The following CEBPZ variants were observed in gnomAD, a reference collection of about 807,000 sequenced individuals.
The protein encoded by CEBPZ is CCAAT enhancer binding protein zeta, also known as CCAAT/enhancer-binding protein zeta.
Under a neutral mutation model 104.5 loss-of-function variants are expected in CEBPZ, and 78 were observed. That is an observed-to-expected ratio of 0.75 (90% CI 0.62 to 0.90). The LOEUF (loss-of-function observed/expected upper bound fraction) is 0.90, where lower values mean the gene tolerates loss of function less well. CEBPZ is among the 40% of genes least tolerant of loss of function. The pLI, the probability that CEBPZ is intolerant of heterozygous loss-of-function variation, is 0.00. For missense variants in CEBPZ, 1,439 were observed against 1,233.5 expected (o/e 1.17, Z -2.50); for synonymous variants, 470 against 427.0 (o/e 1.10, Z -1.24).
In CEBPZ at chr2:37,202,922, G is replaced by A. The variant is rs746674018; in HGVS notation, c.2943+28C>T. Reference sequence around the variant, plus strand: ...AACTAAAAATAATGTAGAATAGCTAGCTTGTTAAAACAGTACATTAGCCTT... The same window carrying A: ...AACTAAAAATAATGTAGAATAGCTAACTTGTTAAAACAGTACATTAGCCTT... On this transcript the variant is annotated intron_variant, in intron 14 of 15. Transcript: ENST00000234170. 5.0e-6 allele frequency: 8 copies of A among 1,592,718 alleles called. No homozygotes were observed. The East Asian group carries it at 1.6e-4, about 31-fold the overall frequency.
Position 37,214,029 on chromosome 2 carries a change from C to T in CEBPZ, c.2448-68G>A, listed in dbSNP as rs368769775. On this transcript the variant is annotated intron_variant, in intron 9 of 15. Coordinates refer to ENST00000234170, the MANE Select transcript of CEBPZ (RefSeq NM_005760.3). The stretch of plus-strand genomic sequence containing the variant: ...CTAATCTTACTATATATCATCAAAG[C>T]ACCTATGACCAGTGGCAAACCACAA... 2.3e-5 allele frequency: 18 copies of T among 785,708 alleles called. No individual in the cohort carries two copies. In the African/African-American group the frequency reaches 3.3e-4, roughly 14 times the overall value. 48.7% of individuals were successfully genotyped at this position (785,708 alleles called of 1,614,324 possible). A position where few individuals can be genotyped will look rare whatever the true frequency, so the allele number is the denominator to read the frequency against.
At chr2:37,209,289 A>C (rs1378270669) in intron 13 of CEBPZ, 2 of 152,174 alleles carry the variant, frequency 1.3e-5, no homozygotes. Flanking sequence ...AACTAGGAAA[A>C]AAAATCCTGA....
Position 37,211,101 on chromosome 2 carries a change from T to G in CEBPZ, c.2801-19A>C. On this transcript the variant is annotated intron_variant, in intron 12 of 15. Transcript: ENST00000234170. ...TCAAGTTCTGTTACACGAAAAAATT[T>G]GCTAATAAGCAATTTAAAAACAATA... The G allele has an allele frequency of 6.4e-7, 1 of 1,560,994 alleles. No homozygotes were observed. The highest frequency in any genetic ancestry group is 2.2e-5 in the East Asian group (1 of 44,546).
intron 12 of CEBPZ, 101 bp downstream of exon 12, chr2:37,211,742 T>C (rs954651165): frequency 4.9e-6 from 4 of 816,332 alleles, no homozygotes; most frequent in Non-Finnish European, 7.3e-6. Context: ...GAGTATTAAT[T>C]TGAATACAGG....
At chr2:37,215,102 G>C in intron 8 of CEBPZ, 150 bp from the exon 9 acceptor site, 1 of 597,540 alleles carries the variant, frequency 1.7e-6, no homozygotes, top group South Asian at 2.2e-5. Flanking sequence ...GAGTGCAAGG[G>C]ACAATCTCTG....
chr2:37,224,079 C>T (rs1421606941), intron 2 of CEBPZ, among the ~76,000 whole-genome samples: 1 of 152,150 alleles, frequency 6.6e-6, no homozygotes, highest in African/African-American at 2.4e-5. Flanking sequence ...CCTGCCTTTC[C>T]CTCTTCTCTA....
At chr2:37,221,260 G>T (rs952185565) in intron 4 of CEBPZ, among the ~76,000 whole-genome samples, 1 of 152,078 alleles carries the variant, frequency 6.6e-6, no homozygotes, top group African/African-American at 2.4e-5. Flanking sequence ...AGGCTGCAGT[G>T]AGCCATAATG....
At chr2:37,204,278 T>C (rs1677439896) in intron 13 of CEBPZ, 1 of 51,614 alleles carries the variant, frequency 1.9e-5, no homozygotes, top group Admixed American at 1.9e-4. Flanking sequence ...TAATTTTTGA[T>C]TTTTTTTTTT....
Position 37,228,718 on chromosome 2 carries a change from C to T in CEBPZ, c.475G>A (p.Val159Ile), listed in dbSNP as rs773378363. The change falls in exon 2 of 16, where the codon GTA (valine) becomes ATA (isoleucine). Residue 159 changes from valine (V) to isoleucine (I), a missense_variant. Val to Ile is a conservative substitution (Grantham distance 29). Coordinates refer to ENST00000234170, the MANE Select transcript of CEBPZ (RefSeq NM_005760.3). ...AAGATGTTCTGTTTATCTTTCTTTA[C>T]TTTCGGTGTGGTACTGCCATTCTCA... Reference protein sequence around the residue: ...SDENGSTTPKVKKDKQNIFEF... With the variant: ...SDENGSTTPKIKKDKQNIFEF... The T allele has an allele frequency of 6.2e-6, 10 of 1,614,176 alleles. No individual in the cohort carries two copies. The highest frequency in any genetic ancestry group is 1.7e-5 in the Admixed American group (1 of 60,032).
rs1329767195 is a variant in CEBPZ, at chr2:37,228,532, T to C, written c.661A>G (p.Lys221Glu). 1.2e-6 allele frequency: 2 copies of C among 1,614,226 alleles called. No homozygotes were observed. The highest frequency in any genetic ancestry group is 1.7e-6 in the Non-Finnish European group (2 of 1,180,040). The change falls in exon 2 of 16, where the codon AAA becomes GAA. Residue 221 changes from lysine (K) to glutamate (E), a missense_variant. By Grantham distance (56) the Lys-to-Glu change is moderately conservative. Transcript: ENST00000234170. ...KLYQHEINLF[K>E]SKTNSQKGAS... ...CCCTTTTGACTATTCGTCTTACTTT[T>C]GAATAAGTTGATTTCATGCTGATAC... is the stretch of plus-strand genomic sequence containing the variant.
intron 12 of CEBPZ, chr2:37,211,346 A>C: frequency 3.4e-6 from 1 of 292,316 alleles, no homozygotes; most frequent in Non-Finnish European, 6.3e-6. Flanking sequence ...ACCCCTTAAA[A>C]CAAGAAACTT....
In CEBPZ at chr2:37,231,462, C is replaced by A; in HGVS notation, c.106G>T (p.Ala36Ser). The change falls in exon 1 of 16, where the codon GCC (alanine) becomes TCC (serine). Residue 36 changes from alanine to serine, a missense_variant. By Grantham distance (99) the Ala-to-Ser change is moderately conservative (BLOSUM62 1). Transcript: ENST00000234170. ...TCCTCCAGGGAGAACCCATTCTCGG[C>A]TTCACTAGTATTATCCTCATCCTCC... The part of the protein sequence containing the change: ...DEEDEDNTSE[A>S]ENGFSLEEVL... 6.2e-7 allele frequency: 1 copy of A among 1,614,242 alleles called. No homozygotes were observed. The highest frequency in any genetic ancestry group is 8.5e-7 in the Non-Finnish European group (1 of 1,180,040).
chr2:37,228,260 A>G lies in CEBPZ; in HGVS notation c.933T>C (p.Pro311=). 1.9e-6 allele frequency: 3 copies of G among 1,614,202 alleles called. No individual in the cohort carries two copies. The highest frequency in any genetic ancestry group is 2.5e-6 in the Non-Finnish European group (3 of 1,180,032). ...NRKLRIFSQR[P]FDKLEQLSSG... ...TGGACAACTGTTCCAGTTTGTCAAA[A>G]GGACGCTGGCTGAAAATCCTCAGCT... Residue 311 remains proline, a synonymous_variant, in exon 2 of 16, where the codon CCT becomes CCC. Transcript: ENST00000234170.
At chr2:37,205,793 C>A (rs1194149241) in intron 13 of CEBPZ, among the ~76,000 whole-genome samples, 1 of 152,302 alleles carries the variant, frequency 6.6e-6, no homozygotes, top group African/African-American at 2.4e-5. Context: ...TGATACAGCA[C>A]TTTTTTCTTT....
chr2:37,221,183 GCA>G (rs200413438), intron 4 of CEBPZ, among the ~76,000 whole-genome samples: 3,466 of 152,084 alleles, frequency 0.023, 64 homozygotes, highest in Middle Eastern at 0.054. Context: ...ATACCTGGTG[GCA>G]CGAGCCTGTA....
At chr2:37,212,740 A>C (rs1282366242) in intron 10 of CEBPZ, 1 of 228,212 alleles carries the variant, frequency 4.4e-6, no homozygotes, top group Non-Finnish European at 8.6e-6. Context: ...GGTGTGATAC[A>C]ATATGTAACA....
chr2:37,209,880 C>A (rs1005882852), intron 13 of CEBPZ: 2 of 152,056 alleles, frequency 1.3e-5, no homozygotes, highest in African/African-American at 4.8e-5. Context: ...GTAAACTATG[C>A]ATCTGAGAAA....
chr2:37,212,627 T>C (rs1677759683), intron 10 of CEBPZ: 1 of 529,052 alleles, frequency 1.9e-6, no homozygotes, highest in Non-Finnish European at 3.3e-6. Context: ...CGGCTCTTTC[T>C]ACAGTTCTTT....
At chr2:37,212,864 C>A (rs150630905) in intron 10 of CEBPZ, among the ~76,000 whole-genome samples, 5 of 122,566 alleles carry the variant, frequency 4.1e-5, no homozygotes, top group Admixed American at 8.4e-5. Flanking sequence ...AAAACAACAA[C>A]AACAAAAAAA....
Sources: gnomAD v4.1 joint callset for allele counts (sites outside exome capture counted in the v4.1 genomes callset) on GRCh38, gnomAD v4.1.1 for gene constraint, MANE v1.5 for transcripts, NCBI Gene and HGNC (gene_info 2026-07-23, HGNC 2026-07-21) for gene names.